The following F11 variants were observed in gnomAD, a reference collection of about 807,000 sequenced individuals.
The protein encoded by F11 is coagulation factor XI.
F11 carries 78 observed loss-of-function variants against 76.5 expected under a neutral mutation model. That is an observed-to-expected ratio of 1.02 (90% CI 0.85 to 1.23). The LOEUF (loss-of-function observed/expected upper bound fraction) is 1.23, where lower values mean the gene tolerates loss of function less well. F11 is among the 50% of genes most tolerant of loss of function. The probability of loss-of-function intolerance (pLI) is 0.00; values close to 1 mark genes in which losing one functional copy is unlikely to be tolerated. For missense variants in F11, 742 were observed against 771.4 expected (o/e 0.96, Z 0.45); for synonymous variants, 278 against 276.3 (o/e 1.01, Z -0.06).
rs1741370630 is a variant in F11 at position 186,288,367 on chromosome 4, G to C, written c.1717-86G>C. ...ATTAAGGGGCCAAGACAACATTTTA[G>C]GCAAAATCAGCCTGAGCAAGATGTG... On this transcript the variant is annotated intron_variant, in intron 14 of 14. Transcript: ENST00000403665. 2.5e-6 allele frequency: 4 copies of C among 1,573,094 alleles called. No homozygotes were observed. The Admixed American group carries it at 6.7e-5, about 26-fold the overall frequency.
At position 186,284,264 on chromosome 4, in the gene F11, A is replaced by G. The variant is rs1391674123; in HGVS notation, c.1304+4A>G. ...CAGCCGCTCACTGTTTCTATGGGTCAGTACCACGGCTGTTTTTATTAGTTC... is the reference window on the plus strand; with the variant it reads ...CAGCCGCTCACTGTTTCTATGGGTCGGTACCACGGCTGTTTTTATTAGTTC... On this transcript the variant is annotated splice_donor_region_variant and intron_variant, in intron 11 of 14. Coordinates refer to ENST00000403665, the MANE Select transcript of F11 (RefSeq NM_000128.4). 6.2e-7 allele frequency: 1 copy of G among 1,610,298 alleles called. No individual in the cohort carries two copies. The highest frequency in any genetic ancestry group is 8.5e-7 in the Non-Finnish European group (1 of 1,176,832).
chr4:186,287,364 A>C (rs1050778380), intron 13 of F11, among the ~76,000 whole-genome samples: 9 of 151,528 alleles, frequency 5.9e-5, no homozygotes, highest in Non-Finnish European at 1.0e-4. Context: ...TGGGTGGATC[A>C]CTTGAGGTCA....
chr4:186,273,546 G>A (rs937624265), intron 4 of F11, among the ~76,000 whole-genome samples: 6 of 151,894 alleles, frequency 4.0e-5, no homozygotes, highest in South Asian at 2.1e-4. Context: ...TCAACCTCCT[G>A]GGTTCAAGTG....
chr4:186,276,290 A>G lies in F11; in HGVS notation c.655A>G (p.Met219Val). ...TGCAGACAGCAACATCGACAGTGTCATGGCTCCCGATGCTTTTGTCTGTGG... is the reference window on the plus strand; with the variant it reads ...TGCAGACAGCAACATCGACAGTGTCGTGGCTCCCGATGCTTTTGTCTGTGG... ...VFADSNIDSVMAPDAFVCGRI... is the reference protein window; with the variant it reads ...VFADSNIDSVVAPDAFVCGRI... Residue 219 changes from methionine (M) to valine (V), a missense_variant, in exon 7 of 15, where the codon ATG becomes GTG. Physicochemically the swap from Met to Val is conservative, Grantham distance 21. Coordinates refer to ENST00000403665, the MANE Select transcript of F11 (RefSeq NM_000128.4). 2 of 1,614,130 alleles carry G rather than the reference A, an allele frequency of 1.2e-6. No individual in the cohort carries two copies. Among genetic ancestry groups the G allele is most frequent in the Non-Finnish European group, 1.7e-6 (2 of 1,180,024 alleles).
intron 13 of F11, 63 bp downstream of exon 13, chr4:186,286,573 T>A (rs1360279417): frequency 1.2e-5 from 20 of 1,601,274 alleles, no homozygotes; most frequent in Non-Finnish European, 1.7e-5. Flanking sequence ...TTTTCTGCCC[T>A]GTCAAGTCAT....
At chr4:186,279,794 G>A (rs893820199) in intron 7 of F11, among the ~76,000 whole-genome samples, 1 of 152,118 alleles carries the variant, frequency 6.6e-6, no homozygotes, top group Non-Finnish European at 1.5e-5. Flanking sequence ...TTTTATGGAG[G>A]TGATTTAGTT....
At chr4:186,270,715 A>ACTGG (rs1489938339) in intron 2 of F11, among the ~76,000 whole-genome samples, 21 of 152,158 alleles carry the variant, frequency 1.4e-4, no homozygotes, top group African/African-American at 5.1e-4. Flanking sequence ...TGAGAGAGAA[A>ACTGG]CTGGGTCTTG....
intron 10 of F11, among the ~76,000 whole-genome samples, chr4:186,283,360 G>A (rs964283747): frequency 1.3e-5 from 2 of 152,152 alleles, no homozygotes; most frequent in African/African-American, 4.8e-5. Flanking sequence ...CGGGCATCCA[G>A]TAAGTAGAAA....
intron 2 of F11, among the ~76,000 whole-genome samples, chr4:186,270,238 G>T (rs4253406): frequency 0.057 from 8,715 of 152,236 alleles, 342 homozygotes; most frequent in South Asian, 0.16. Flanking sequence ...TTGCTCGTTC[G>T]CAAAAGCAGA....
At chr4:186,272,978 C>T in intron 3 of F11, 93 bp from the exon 4 acceptor site, 2 of 813,746 alleles carry the variant, frequency 2.5e-6, no homozygotes, top group Non-Finnish European at 2.0e-6. Flanking sequence ...AGTTTGTTTC[C>T]TTCTTTTTGG....
In F11 at chr4:186,289,165, A is replaced by T. The variant is rs186377697; in HGVS notation, c.*551A>T. On this transcript the variant is annotated 3_prime_UTR_variant, in exon 15 of 15. Coordinates refer to ENST00000403665, the MANE Select transcript of F11 (RefSeq NM_000128.4). ...TCATTTCCATTTTAAAATATATATT[A>T]AAAAAAATCAGTTCGAGTAGACACG... 6.3e-3 allele frequency among the ~76,000 whole-genome samples: 944 copies of T among 150,720 alleles called. 3 individuals are homozygous for T. The highest frequency in any genetic ancestry group is 0.011 in the Non-Finnish European group (740 of 67,024).
intron 7 of F11, among the ~76,000 whole-genome samples, chr4:186,278,845 T>C (rs1206658649): frequency 6.6e-6 from 1 of 152,148 alleles, no homozygotes; most frequent in Non-Finnish European, 1.5e-5. Flanking sequence ...TATCAAAGGG[T>C]TAAATGCAGA....
At chr4:186,287,336 C>A (rs1411042370) in intron 13 of F11, among the ~76,000 whole-genome samples, 1 of 151,728 alleles carries the variant, frequency 6.6e-6, no homozygotes, top group African/African-American at 2.4e-5. Flanking sequence ...GTAATCCCAG[C>A]ACTTTGGGAG....
chr4:186,271,535 T>G (rs1387918583), intron 2 of F11, 74 bp from the exon 3 acceptor site: 2 of 1,556,250 alleles, frequency 1.3e-6, no homozygotes, highest in Non-Finnish European at 1.8e-6. Flanking sequence ...TGCCTTGCCT[T>G]TATGAGATTA....
At chr4:186,277,108 C>T (rs983347445) in intron 7 of F11, among the ~76,000 whole-genome samples, 19 of 152,142 alleles carry the variant, frequency 1.2e-4, no homozygotes, top group African/African-American at 4.3e-4. Flanking sequence ...TGTCTCTGTG[C>T]CTGTGTACAC....
intron 3 of F11, 153 bp from the exon 4 acceptor site, chr4:186,272,914 AAAAC>A (rs1419704727): frequency 3.3e-6 from 2 of 602,514 alleles, no homozygotes; most frequent in East Asian, 2.9e-5. Context: ...ATTGAAGTAA[AAAAC>A]AAACTCAGAA....
At chr4:186,280,686 G>A (rs1183256028) in intron 10 of F11, 106 bp downstream of exon 10, 3 of 1,049,372 alleles carry the variant, frequency 2.9e-6, no homozygotes, top group South Asian at 1.4e-5. Flanking sequence ...GAACATTCAG[G>A]AAATAACAAA....
chr4:186,271,579 A>G, intron 2 of F11, 30 bp from the exon 3 acceptor site: 3 of 1,613,944 alleles, frequency 1.9e-6, no homozygotes, highest in Non-Finnish European at 2.5e-6. Context: ...GTAAAATCCA[A>G]CATAACGCAT....
chr4:186,282,711 A>G, intron 10 of F11: 1 of 985,274 alleles, frequency 1.0e-6, no homozygotes, highest in East Asian at 1.1e-4. Context: ...GAAATTCCAG[A>G]ATAGATGGCC....
Sources: allele counts gnomAD v4.1 joint callset (sites outside exome capture counted in the v4.1 genomes callset), GRCh38; gene constraint gnomAD v4.1.1; transcripts MANE v1.5; gene names NCBI Gene and HGNC (gene_info 2026-07-23, HGNC 2026-07-21).